Variants in AGPS observed in about 807,000 individuals in gnomAD.
AGPS encodes the protein alkyldihydroxyacetonephosphate synthase, peroxisomal.
AGPS carries 26 observed loss-of-function variants against 90.7 expected under a neutral mutation model. That is an observed-to-expected ratio of 0.29 (90% CI 0.21 to 0.40). AGPS has a LOEUF of 0.40. AGPS is among the 10% of genes least tolerant of loss of function. The pLI is 1.00. For synonymous variants in AGPS, 294 were observed against 285.3 expected (o/e 1.03, Z -0.31); for missense variants, 540 against 816.1 (o/e 0.66, Z 4.12).
rs576570393 is a variant in AGPS at position 177,392,884 on chromosome 2, A to C, written c.95A>C (p.Asp32Ala). The stretch of plus-strand genomic sequence containing the variant: ...GACCGGGACCGGGACCCGGACCCGG[A>C]CCGCGCCGGGCGGAGGCTGCGGGTT... ...AADRDRDPDP[D>A]RAGRRLRVLS... Residue 32 changes from aspartate (D) to alanine (A), a missense_variant, in exon 1 of 20, where the codon GAC becomes GCC. By Grantham distance (126) the Asp-to-Ala change is moderately radical. Transcript: ENST00000264167. The C allele has an allele frequency of 3.9e-6, 6 of 1,550,378 alleles. No individual in the cohort carries two copies. In the Admixed American group the frequency reaches 1.2e-4, roughly 30 times the overall value.
At chr2:177,479,446 CAT>C (rs1046693781) in intron 10 of AGPS, among the ~76,000 whole-genome samples, 40 of 152,030 alleles carry the variant, frequency 2.6e-4, no homozygotes, top group African/African-American at 8.2e-4. Context: ...GAAAGGAAAA[CAT>C]GTGTCCAGAA....
chr2:177,482,455 A>G (rs1007858476), intron 11 of AGPS, among the ~76,000 whole-genome samples: 6 of 151,920 alleles, frequency 3.9e-5, no homozygotes, highest in African/African-American at 1.4e-4. Flanking sequence ...CCAAGGTAAG[A>G]TAGTACTTTG....
intron 10 of AGPS, among the ~76,000 whole-genome samples, chr2:177,469,786 G>A (rs1687558551): frequency 6.6e-6 from 1 of 151,874 alleles, no homozygotes; most frequent in Non-Finnish European, 1.5e-5. Flanking sequence ...TACATAATTG[G>A]AGTCAACTCT....
Position 177,468,529 on chromosome 2 carries a change from A to G in AGPS, c.1105+5A>G. 6.3e-7 allele frequency: 1 copy of G among 1,589,032 alleles called. No homozygotes were observed. Among genetic ancestry groups the G allele is most frequent in the African/African-American group, 1.3e-5 (1 of 74,536 alleles). On this transcript the variant is annotated splice_donor_5th_base_variant and intron_variant, in intron 10 of 19. Coordinates refer to ENST00000264167, the MANE Select transcript of AGPS (RefSeq NM_003659.4). ...ACTTCATCATGGGATCTGAAGGTAA[A>G]TATAACTGTAAATTTATTAAGAAAA...
At chr2:177,438,317 A>G (rs1188010931) in intron 5 of AGPS, among the ~76,000 whole-genome samples, 1 of 152,218 alleles carries the variant, frequency 6.6e-6, no homozygotes, top group African/African-American at 2.4e-5. Flanking sequence ...GTTACTCAGA[A>G]TGATGACGCA....
intron 11 of AGPS, among the ~76,000 whole-genome samples, chr2:177,488,477 A>C (rs1688160431): frequency 6.6e-6 from 1 of 152,030 alleles, no homozygotes. Context: ...CAGCCTCCCA[A>C]AGTGCTGGGA....
At chr2:177,438,684 A>G (rs914661174) in intron 5 of AGPS, among the ~76,000 whole-genome samples, 16 of 152,184 alleles carry the variant, frequency 1.1e-4, no homozygotes, top group African/African-American at 3.4e-4. Context: ...TGGGAGATTA[A>G]TTCAATAATC....
At chr2:177,394,911 A>G (rs1004255892) in intron 1 of AGPS, among the ~76,000 whole-genome samples, 1 of 152,190 alleles carries the variant, frequency 6.6e-6, no homozygotes, top group Non-Finnish European at 1.5e-5. Flanking sequence ...CCAGGGAGAA[A>G]TGCTGGGATT....
chr2:177,525,285 A>AT (rs1214491560), intron 19 of AGPS, among the ~76,000 whole-genome samples: 1 of 152,180 alleles, frequency 6.6e-6, no homozygotes, highest in Non-Finnish European at 1.5e-5. Context: ...TATTTTAAAT[A>AT]TTTTTTATTC....
At chr2:177,449,196 C>T (rs1276292590) in intron 8 of AGPS, among the ~76,000 whole-genome samples, 23 of 152,174 alleles carry the variant, frequency 1.5e-4, no homozygotes, top group Non-Finnish European at 1.0e-4. Flanking sequence ...TGTTTCCTTT[C>T]GGTAAGTAAC....
At chr2:177,484,010 G>T (rs1688022721) in intron 11 of AGPS, among the ~76,000 whole-genome samples, 1 of 145,076 alleles carries the variant, frequency 6.9e-6, no homozygotes, top group Non-Finnish European at 1.5e-5. Flanking sequence ...AAGCTAGGGT[G>T]TTTTTTTTTT....
chr2:177,494,715 A>G (rs1688364057), intron 12 of AGPS, among the ~76,000 whole-genome samples: 1 of 152,182 alleles, frequency 6.6e-6, no homozygotes, highest in Non-Finnish European at 1.5e-5. Context: ...CTGTGGTATT[A>G]TAGGTTCTAC....
At chr2:177,511,204 A>T (rs944122781) in intron 16 of AGPS, among the ~76,000 whole-genome samples, 2 of 151,858 alleles carry the variant, frequency 1.3e-5, no homozygotes, top group Non-Finnish European at 2.9e-5. Flanking sequence ...GGCTCAAATG[A>T]TTCTCCCATC....
intron 1 of AGPS, among the ~76,000 whole-genome samples, chr2:177,416,536 G>GTTTT (rs34582220): frequency 8.6e-5 from 13 of 151,120 alleles, no homozygotes; most frequent in Non-Finnish European, 1.6e-4. Flanking sequence ...GTTTTGTTTT[G>GTTTT]TTTTTTTGAG....
chr2:177,397,023 C>T (rs1281368801), intron 1 of AGPS, among the ~76,000 whole-genome samples: 1 of 150,154 alleles, frequency 6.7e-6, no homozygotes, highest in African/African-American at 2.5e-5. Context: ...ACTGCAACTT[C>T]CTGCCTCCCG....
At chr2:177,486,632 C>G (rs943928582) in intron 11 of AGPS, among the ~76,000 whole-genome samples, 1 of 148,418 alleles carries the variant, frequency 6.7e-6, no homozygotes, top group African/African-American at 2.4e-5. Flanking sequence ...GCAATATTTT[C>G]AGATTCAAGT....
chr2:177,499,830 CAG>C, intron 14 of AGPS, 100 bp downstream of exon 14: 1 of 773,606 alleles, frequency 1.3e-6, no homozygotes, highest in Non-Finnish European at 2.3e-6. Flanking sequence ...TGTCTCCAAA[CAG>C]ACTGCATGTC....
chr2:177,408,491 C>G (rs1246842779), intron 1 of AGPS, among the ~76,000 whole-genome samples: 1 of 152,044 alleles, frequency 6.6e-6, no homozygotes, highest in Non-Finnish European at 1.5e-5. Context: ...CTGTATAGCC[C>G]TCATTTCTCC....
chr2:177,516,176 C>T (rs1317258031), intron 17 of AGPS, among the ~76,000 whole-genome samples: 3 of 152,016 alleles, frequency 2.0e-5, no homozygotes, highest in Non-Finnish European at 4.4e-5. Context: ...AATTATGGAT[C>T]TATTTAAAAT....
Sources: allele counts gnomAD v4.1 joint callset (sites outside exome capture counted in the v4.1 genomes callset), GRCh38; gene constraint gnomAD v4.1.1; transcripts MANE v1.5; gene names NCBI Gene and HGNC (gene_info 2026-07-23, HGNC 2026-07-21).